The following ACOT11 variants were observed in gnomAD, a reference collection of about 807,000 sequenced individuals.
ACOT11 encodes acyl-CoA thioesterase 11, also known as acyl-coenzyme A thioesterase 11.
In ACOT11, 69 loss-of-function variants were observed where a neutral mutation model predicts 77.5. That is an observed-to-expected ratio of 0.89 (90% CI 0.73 to 1.09). ACOT11 has a LOEUF of 1.09. Among genes scored for constraint, ACOT11 ranks in the 50% least tolerant of loss-of-function variants. ACOT11 has a pLI of 0.00. For synonymous variants in ACOT11, 279 were observed against 313.0 expected (o/e 0.89, Z 1.15); for missense variants, 766 against 813.7 (o/e 0.94, Z 0.71).
chr1:54,611,855 C>T, downstream of ACOT11: 2 of 1,305,516 alleles, frequency 1.5e-6, no homozygotes, highest in Non-Finnish European at 2.1e-6. Flanking sequence ...AGCATCTGTC[C>T]TCCAGTCGCC....
chr1:54,610,679 A>C, downstream of ACOT11: 1 of 1,437,972 alleles, frequency 7.0e-7, no homozygotes, highest in South Asian at 1.5e-5. Context: ...CACCCTGCCA[A>C]GTAGCTCTCA....
At chr1:54,557,794 A>G (rs1051238584) in intron 1 of ACOT11, among the ~76,000 whole-genome samples, 3 of 152,110 alleles carry the variant, frequency 2.0e-5, no homozygotes, top group African/African-American at 7.2e-5. Context: ...AGGGTTTTCT[A>G]TATATAGGAT....
intron 1 of ACOT11, among the ~76,000 whole-genome samples, chr1:54,565,427 C>T (rs1034685811): frequency 3.3e-5 from 5 of 152,164 alleles, no homozygotes; most frequent in African/African-American, 7.2e-5. Context: ...GTGACCTGAT[C>T]GCCCTCCAGC....
At chr1:54,599,094 C>T (rs1438697954) in intron 7 of ACOT11, among the ~76,000 whole-genome samples, 5 of 127,086 alleles carry the variant, frequency 3.9e-5, no homozygotes, top group Non-Finnish European at 6.3e-5. Context: ...TACAGTGAGC[C>T]GAGATCCTGC....
chr1:54,607,049 GCA>G lies in ACOT11; in HGVS notation c.1371-84_1371-83del. ...CCATCACAGAAGCTGCTCAGGCACT[GCA>G]GTGTGGCAGGGCCCGGGCAGACCCG... On this transcript the variant is annotated intron_variant, in intron 13 of 15. Transcript: ENST00000343744. The surrounding 1 kb of genome is among the most constrained non-coding windows in gnomAD (Gnocchi z 4.5). 1 of 1,570,836 alleles carries G rather than the reference GCA, an allele frequency of 6.4e-7. No homozygotes were observed. Among genetic ancestry groups the G allele is most frequent in the Non-Finnish European group, 8.7e-7 (1 of 1,155,374 alleles).
intron 6 of ACOT11, 82 bp from the exon 7 acceptor site, chr1:54,597,177 C>T (rs1643897530): frequency 1.9e-6 from 3 of 1,563,220 alleles, no homozygotes; most frequent in Admixed American, 3.4e-5. Flanking sequence ...TGGTGGGGGT[C>T]CCAGGGCTGC....
chr1:54,607,192 C>T lies in ACOT11; in HGVS notation c.1429C>T (p.Pro477Ser), dbSNP rs1252083541. The change falls in exon 14 of 16, where the codon CCT becomes TCT. Residue 477 changes from proline (P) to serine (S), a missense_variant. Pro to Ser is a moderately conservative substitution (Grantham distance 74). Transcript: ENST00000343744. This position sits in a 1 kb window ranked among gnomAD's most constrained non-coding sequence, Gnocchi z 4.5. ...CGACGCCATCTACCACGTCACCAGCCCTGCCCTCGGAGGTCACACAAAGCC... is the reference window on the plus strand; with the variant it reads ...CGACGCCATCTACCACGTCACCAGCTCTGCCCTCGGAGGTCACACAAAGCC... ...EDDAIYHVTSPALGGHTKPQD... is the reference protein window; with the variant it reads ...EDDAIYHVTSSALGGHTKPQD... 2 of 1,614,106 alleles carry T rather than the reference C, an allele frequency of 1.2e-6. No homozygotes were observed. The highest frequency in any genetic ancestry group is 3.3e-5 in the Admixed American group (2 of 60,008).
intron 15 of ACOT11, chr1:54,628,144 TC>T (rs1644281627): frequency 7.5e-6 from 1 of 133,938 alleles, no homozygotes; most frequent in Admixed American, 7.7e-5. Flanking sequence ...CTGTCCTGTT[TC>T]AGCACTGCTC....
intron 7 of ACOT11, 73 bp from the exon 8 acceptor site, chr1:54,599,202 ATATATATATATATATATATAT>A (rs1557662225): frequency 4.7e-4 from 44 of 93,164 alleles, no homozygotes; most frequent in African/African-American, 2.6e-3. Flanking sequence ...ATATATATAT[ATATATATATATATATATATAT>A]AAAAATCTGG....
intron 15 of ACOT11, among the ~76,000 whole-genome samples, chr1:54,622,471 C>T (rs191942773): frequency 5.3e-4 from 80 of 150,922 alleles, no homozygotes; most frequent in African/African-American, 1.8e-3. Flanking sequence ...CCAGCTACTC[C>T]GGAGGCTGAA....
In ACOT11 at chr1:54,617,709, A is replaced by ATTTTTTTTTTT. The variant is rs56229276; in HGVS notation, c.1629+9666_1629+9676dup. On this transcript the variant is annotated intron_variant, in intron 15 of 16. Coordinates refer to the ACOT11 transcript ENST00000371316. ...CACTAGGTCTGCAGCAGGGCCTGAGATTTTTTTTTTTTTTTTTTTTTTTTT... is the reference window on the plus strand; with the variant it reads ...CACTAGGTCTGCAGCAGGGCCTGAGATTTTTTTTTTTTTTTTTTTTTTTTTTTTTTTTTTTT... Among the ~76,000 whole-genome samples the ATTTTTTTTTTT allele has an allele frequency of 3.0e-4, 17 of 55,764 alleles. 4 individuals are homozygous for ATTTTTTTTTTT. The highest frequency in any genetic ancestry group is 5.1e-4 in the African/African-American group (7 of 13,746). The allele number at this position is 55,764 out of a possible 152,430, so 36.6% of individuals were successfully genotyped here.
Position 54,609,836 on chromosome 1 carries a change from G to T in ACOT11, c.*724G>T. 1.2e-6 allele frequency: 2 copies of T among 1,614,198 alleles called. No homozygotes were observed. Among genetic ancestry groups the T allele is most frequent in the South Asian group, 1.1e-5 (1 of 91,090 alleles). On this transcript the variant is annotated 3_prime_UTR_variant, in exon 16 of 16. Coordinates refer to ENST00000343744, the MANE Select transcript of ACOT11 (RefSeq NM_147161.4). ...ATGTGTGGCCAGCTGCTGCAGGCAG[G>T]ACTCCAGCGTCAGGATGTTGCCACT...
intron 15 of ACOT11, among the ~76,000 whole-genome samples, chr1:54,627,356 G>A (rs1166387362): frequency 7.4e-6 from 1 of 135,042 alleles, no homozygotes; most frequent in Non-Finnish European, 1.7e-5. Context: ...CAGGATGTCT[G>A]GGAGGAAAGA....
chr1:54,635,347 C>T (rs893526731), exon 17 of ACOT11: 10 of 268,944 alleles, frequency 3.7e-5, no homozygotes, highest in Admixed American at 1.0e-4. Flanking sequence ...ATGTTAAGTA[C>T]GGCAAAAGTT....
At chr1:54,559,284 C>T (rs1242707848) in intron 1 of ACOT11, among the ~76,000 whole-genome samples, 1 of 151,512 alleles carries the variant, frequency 6.6e-6, no homozygotes, top group Non-Finnish European at 1.5e-5. Context: ...AGATTCAGGG[C>T]CCCAGGCTGA....
chr1:54,586,433 T>C (rs1288033631), intron 3 of ACOT11, among the ~76,000 whole-genome samples: 1 of 151,606 alleles, frequency 6.6e-6, no homozygotes. Context: ...ACTTTTTTTT[T>C]TTTTTCTTTT....
chr1:54,585,315 G>A (rs1199874937), intron 2 of ACOT11, among the ~76,000 whole-genome samples: 3 of 152,202 alleles, frequency 2.0e-5, no homozygotes, highest in Non-Finnish European at 2.9e-5. Context: ...CAGGTGACCC[G>A]ACTGTTCCCC....
downstream of ACOT11, chr1:54,612,553 G>A (rs374896395): frequency 7.4e-6 from 12 of 1,613,976 alleles, no homozygotes; most frequent in Non-Finnish European, 1.0e-5. Flanking sequence ...GACCGTACAG[G>A]GAAGGTGACC....
chr1:54,611,543 C>T, downstream of ACOT11: 4 of 1,563,650 alleles, frequency 2.6e-6, no homozygotes, highest in Non-Finnish European at 3.5e-6. Flanking sequence ...TGCTCCAGTG[C>T]CCACCAGGTG....
Sources: gnomAD v4.1 joint callset for allele counts (sites outside exome capture counted in the v4.1 genomes callset) on GRCh38, gnomAD v4.1.1 for gene constraint, Gnocchi (gnomAD v3.1) non-coding constraint, MANE v1.5 for transcripts, NCBI Gene and HGNC (gene_info 2026-07-23, HGNC 2026-07-21) for gene names.